UGT1A4: variants seen among roughly 807,000 people sequenced by gnomAD.
UGT1A4 encodes the protein UDP glucuronosyltransferase family 1 member A4, also known as UDP-glucuronosyltransferase 1A4.
UGT1A4 carries 32 observed loss-of-function variants against 41.1 expected under a neutral mutation model. The ratio of observed to expected loss-of-function variants is 0.78; its 90% CI spans 0.59 to 1.05. The LOEUF (loss-of-function observed/expected upper bound fraction) is 1.05. UGT1A4 is among the 50% of genes least tolerant of loss of function. The pLI, the probability that UGT1A4 is intolerant of heterozygous loss-of-function variation, is 0.00. For synonymous variants in UGT1A4, 283 were observed against 265.1 expected (o/e 1.07, Z -0.66); for missense variants, 748 against 677.4 (o/e 1.10, Z -1.16).
chr2:233,749,542 G>C (rs531548646), intron 1 of UGT1A4, among the ~76,000 whole-genome samples: 1 of 151,958 alleles, frequency 6.6e-6, no homozygotes, highest in Non-Finnish European at 1.5e-5. Flanking sequence ...GTGTGGTAAA[G>C]AACAGGCTAA....
At chr2:233,736,476 GGTTT>G (rs1395913354) in intron 1 of UGT1A4, among the ~76,000 whole-genome samples, 2 of 152,080 alleles carry the variant, frequency 1.3e-5, no homozygotes, top group African/African-American at 2.4e-5. Flanking sequence ...AGCTTGGAGA[GGTTT>G]GTTACTACCA....
intron 1 of UGT1A4, among the ~76,000 whole-genome samples, chr2:233,751,217 A>G (rs1417978582): frequency 6.6e-6 from 1 of 151,982 alleles, no homozygotes; most frequent in East Asian, 1.9e-4. Context: ...TTTAAGATTT[A>G]ATGACTGCCC....
chr2:233,732,960 T>C (rs2078342290), intron 1 of UGT1A4, among the ~76,000 whole-genome samples: 1 of 152,142 alleles, frequency 6.6e-6, no homozygotes, highest in South Asian at 2.1e-4. Context: ...TGTTCTTCCA[T>C]TTGTTTGTGT....
At position 233,772,966 on chromosome 2, in the gene UGT1A4, C is replaced by T; in HGVS notation, c.*407C>T. ...CTTCTGCAGATGGTTGCAATTGATCCTTAACCAATAATGGTCAGTCCTCAT... is the reference window on the plus strand; with the variant it reads ...CTTCTGCAGATGGTTGCAATTGATCTTTAACCAATAATGGTCAGTCCTCAT... On this transcript the variant is annotated 3_prime_UTR_variant, in exon 5 of 5. Transcript: ENST00000373409. 1 of 310,570 alleles carries T rather than the reference C, an allele frequency of 3.2e-6. No homozygotes were observed. The highest frequency in any genetic ancestry group is 3.3e-5 in the South Asian group (1 of 30,476). The allele number at this position is 310,570 out of a possible 1,614,324, so 19.2% of individuals were successfully genotyped here.
At position 233,719,408 on chromosome 2, in the gene UGT1A4, G is replaced by C. The variant is rs762624701; in HGVS notation, c.588G>C (p.Lys196Asn). The C allele has an allele frequency of 6.2e-7, 1 of 1,613,826 alleles. No homozygotes were observed. The change falls in exon 1 of 5, where the codon AAG becomes AAC. Residue 196 changes from lysine (K) to asparagine (N), a missense_variant. Coordinates refer to ENST00000373409, the MANE Select transcript of UGT1A4 (RefSeq NM_007120.3). ...CAAATCCTTCCTCCTATATTCCTAA[G>C]TTACTAACGACCAATTCAGACCACA... is the stretch of plus-strand genomic sequence containing the variant. The part of the protein sequence containing the change: ...QCPNPSSYIP[K>N]LLTTNSDHMT...
At chr2:233,742,075 C>T (rs1426608266) in intron 1 of UGT1A4, 1 of 151,834 alleles carries the variant, frequency 6.6e-6, no homozygotes, top group East Asian at 1.9e-4. Context: ...TTATGGAGAT[C>T]CTTTTTTTAC....
intron 1 of UGT1A4, 104 bp from the exon 2 acceptor site, chr2:233,766,930 T>G: frequency 1.9e-6 from 3 of 1,580,254 alleles, no homozygotes; most frequent in Admixed American, 1.8e-5. Flanking sequence ...ACGCATGCCT[T>G]TAATCATAGT....
chr2:233,772,178 T>C, intron 4 of UGT1A4, 84 bp from the exon 5 acceptor site: 1 of 1,584,068 alleles, frequency 6.3e-7, no homozygotes, highest in Non-Finnish European at 8.6e-7. Context: ...AATCTGGTAG[T>C]CTTCTTAAGC....
intron 1 of UGT1A4, among the ~76,000 whole-genome samples, chr2:233,735,242 T>G (rs989843667): frequency 6.6e-6 from 1 of 152,236 alleles, no homozygotes; most frequent in African/African-American, 2.4e-5. Flanking sequence ...CTCTTGTTGT[T>G]GAATTGCTCC....
chr2:233,728,353 G>C (rs563939650), intron 1 of UGT1A4, among the ~76,000 whole-genome samples: 3 of 152,192 alleles, frequency 2.0e-5, no homozygotes, highest in African/African-American at 7.2e-5. Context: ...GTGAGCAGGA[G>C]CTCCCTGAAC....
intron 1 of UGT1A4, among the ~76,000 whole-genome samples, chr2:233,735,640 G>A (rs879325223): frequency 3.9e-5 from 6 of 152,140 alleles, no homozygotes; most frequent in Admixed American, 3.9e-4. Flanking sequence ...TTTTTGCAGT[G>A]GCTGGTACTG....
At position 233,719,308 on chromosome 2, in the gene UGT1A4, A is replaced by C; in HGVS notation, c.488A>C (p.Lys163Thr). 6.2e-7 allele frequency: 1 copy of C among 1,613,974 alleles called. No individual in the cohort carries two copies. The highest frequency in any genetic ancestry group is 8.5e-7 in the Non-Finnish European group (1 of 1,179,910). The change falls in exon 1 of 5, where the codon AAG becomes ACG. Residue 163 changes from lysine (K) to threonine (T), a missense_variant. Transcript: ENST00000373409. ...AACCTCTGTGGGGCGGTGCTGGCTAAGTACCTGTCGATTCCTGCTGTGTTT... is the reference window on the plus strand; with the variant it reads ...AACCTCTGTGGGGCGGTGCTGGCTACGTACCTGTCGATTCCTGCTGTGTTT... ...PVNLCGAVLA[K>T]YLSIPAVFFW...
At chr2:233,721,970 T>C (rs996384194) in intron 1 of UGT1A4, 2 of 281,884 alleles carry the variant, frequency 7.1e-6, no homozygotes, top group African/African-American at 4.4e-5. Context: ...CATACATTGA[T>C]GGCCTGGGTA....
At chr2:233,758,124 A>G (rs1696806452) in intron 1 of UGT1A4, among the ~76,000 whole-genome samples, 1 of 152,212 alleles carries the variant, frequency 6.6e-6, no homozygotes, top group South Asian at 2.1e-4. Flanking sequence ...CGTTCCATAA[A>G]TATTTGGCAG....
chr2:233,722,328 T>C (rs2077007170), intron 1 of UGT1A4, among the ~76,000 whole-genome samples: 1 of 152,230 alleles, frequency 6.6e-6, no homozygotes, highest in African/African-American at 2.4e-5. Flanking sequence ...GGTTGACCCT[T>C]AGATTTGAAA....
At chr2:233,730,965 G>A (rs1412935935) in intron 1 of UGT1A4, among the ~76,000 whole-genome samples, 2 of 152,130 alleles carry the variant, frequency 1.3e-5, no homozygotes, top group African/African-American at 2.4e-5. Flanking sequence ...ATGGTACTCT[G>A]GGACCTGAAT....
intron 1 of UGT1A4, chr2:233,747,285 C>T: frequency 6.2e-7 from 1 of 1,601,074 alleles, no homozygotes. Flanking sequence ...GTGCCCAGCC[C>T]TGGGCTGAGA....
rs1187476814 is a variant in UGT1A4, at chr2:233,718,832, A to G, written c.12A>G (p.Gly4=). The change falls in exon 1 of 5, where the codon GGA becomes GGG. Residue 4 remains glycine (G), a synonymous_variant. Coordinates refer to ENST00000373409, the MANE Select transcript of UGT1A4 (RefSeq NM_007120.3). MAR[G]LQVPLPRLAT... is the part of the protein sequence containing the mutation. The stretch of plus-strand genomic sequence containing the variant: ...TGGCTTCTGCTGAGATGGCCAGAGG[A>G]CTCCAGGTTCCCCTGCCGCGGCTGG... 1 of 1,613,166 alleles carries G rather than the reference A, an allele frequency of 6.2e-7. No individual in the cohort carries two copies. Among genetic ancestry groups the G allele is most frequent in the African/African-American group, 1.3e-5 (1 of 74,826 alleles).
At chr2:233,746,881 A>T (rs1422259027) in intron 1 of UGT1A4, among the ~76,000 whole-genome samples, 1 of 151,740 alleles carries the variant, frequency 6.6e-6, no homozygotes, top group Non-Finnish European at 1.5e-5. Context: ...TGGTTAACAG[A>T]GAAGTAGGAG....
Sources: gnomAD v4.1 joint callset for allele counts (sites outside exome capture counted in the v4.1 genomes callset) on GRCh38, gnomAD v4.1.1 for gene constraint, MANE v1.5 for transcripts, NCBI Gene and HGNC (gene_info 2026-07-23, HGNC 2026-07-21) for gene names.